The following NAALADL2 variants were observed in gnomAD, a reference collection of about 807,000 sequenced individuals.
NAALADL2 encodes the protein inactive N-acetylated-alpha-linked acidic dipeptidase-like protein 2.
In NAALADL2, 76 loss-of-function variants were observed where a neutral mutation model predicts 87.2. The observed-to-expected ratio is 0.87, with a 90% confidence interval of 0.72 to 1.05. The LOEUF is 1.05. Ranked by LOEUF, NAALADL2 falls within the 50% of genes least tolerant of loss-of-function variation. The probability of loss-of-function intolerance (pLI) is 0.00; values close to 1 mark genes in which losing one functional copy is unlikely to be tolerated. For missense variants in NAALADL2, 1,089 were observed against 945.8 expected, an observed-to-expected ratio of 1.15 and a Z score of -1.99; for synonymous variants, 354 against 331.0, an observed-to-expected ratio of 1.07 and a Z score of -0.75.
rs199632228 is a variant in NAALADL2 at position 175,786,180 on chromosome 3, T to C, written c.2190-16825T>C. Among the ~76,000 whole-genome samples the C allele has an allele frequency of 9.2e-5, 14 of 151,934 alleles. No homozygotes were observed. The East Asian group carries it at 2.7e-3, about 29-fold the overall frequency. On this transcript the variant is annotated intron_variant, in intron 13 of 13. Transcript: ENST00000454872. ...TGGTGAATCTGACAATTATGTGTCT[T>C]GGAGTTGCTCTTCTCGAGGAGTATC...
chr3:175,670,050 C>G (rs548725030), intron 11 of NAALADL2, among the ~76,000 whole-genome samples: 74 of 151,956 alleles, frequency 4.9e-4, no homozygotes, highest in Non-Finnish European at 9.6e-4. Flanking sequence ...GAACTATTCA[C>G]TTTACATCAA....
intron 1 of NAALADL2, among the ~76,000 whole-genome samples, chr3:175,018,001 A>G (rs1361000604): frequency 6.6e-6 from 1 of 152,056 alleles, no homozygotes; most frequent in Non-Finnish European, 1.5e-5. Flanking sequence ...TCACTGGCTT[A>G]GGGTCGCATA....
At chr3:175,536,649 A>AC (rs1039405586) in intron 9 of NAALADL2, among the ~76,000 whole-genome samples, 1 of 152,164 alleles carries the variant, frequency 6.6e-6, no homozygotes, top group Admixed American at 6.5e-5. Flanking sequence ...TTAAAAAAAA[A>AC]ACCTATTTTA....
At chr3:174,716,792 A>C (rs1310596641) in intron 2 of NAALADL2, among the ~76,000 whole-genome samples, 2 of 152,112 alleles carry the variant, frequency 1.3e-5, no homozygotes, top group African/African-American at 4.8e-5. Flanking sequence ...TCTAATGTAC[A>C]GTTCGGTATG....
intron 1 of NAALADL2, among the ~76,000 whole-genome samples, chr3:175,068,128 C>T (rs1714889308): frequency 6.6e-6 from 1 of 151,946 alleles, no homozygotes; most frequent in Non-Finnish European, 1.5e-5. Context: ...TGAAAAACTA[C>T]CTTTTGGGTA....
intron 2 of NAALADL2, among the ~76,000 whole-genome samples, chr3:175,144,162 T>C (rs772433363): frequency 6.6e-6 from 1 of 151,928 alleles, no homozygotes; most frequent in East Asian, 1.9e-4. Context: ...ACACTGTCCT[T>C]GAATGATGTA....
At chr3:175,197,203 A>G (rs923222249) in intron 2 of NAALADL2, among the ~76,000 whole-genome samples, 2 of 151,996 alleles carry the variant, frequency 1.3e-5, no homozygotes, top group Admixed American at 6.6e-5. Context: ...TTCTGCAGCT[A>G]TGGTTTAAGT....
At chr3:175,053,448 T>G (rs1755676817) in intron 1 of NAALADL2, among the ~76,000 whole-genome samples, 2 of 152,148 alleles carry the variant, frequency 1.3e-5, no homozygotes. Context: ...ACAGTTGGGA[T>G]CCTCCTCAGC....
At chr3:175,726,792 GT>G (rs1011120790) in intron 11 of NAALADL2, among the ~76,000 whole-genome samples, 1 of 152,144 alleles carries the variant, frequency 6.6e-6, no homozygotes, top group African/African-American at 2.4e-5. Flanking sequence ...TGTGATCAGA[GT>G]TTAGGCCGAG....
At chr3:175,052,313 A>C (rs551078947) in intron 1 of NAALADL2, among the ~76,000 whole-genome samples, 4 of 152,204 alleles carry the variant, frequency 2.6e-5, no homozygotes, top group African/African-American at 9.6e-5. Context: ...GCCATCATGA[A>C]CATGTCACAG....
chr3:174,718,875 C>A (rs1243225825), intron 2 of NAALADL2, among the ~76,000 whole-genome samples: 1 of 152,072 alleles, frequency 6.6e-6, no homozygotes, highest in Non-Finnish European at 1.5e-5. Context: ...ATACTTGGAT[C>A]CAGTGAGAGC....
intron 5 of NAALADL2, among the ~76,000 whole-genome samples, chr3:175,344,759 C>T (rs1436943747): frequency 1.3e-5 from 2 of 152,022 alleles, no homozygotes; most frequent in Non-Finnish European, 2.9e-5. Flanking sequence ...TTCAAGATTA[C>T]AACTTTCATA....
intron 2 of NAALADL2, among the ~76,000 whole-genome samples, chr3:175,144,067 A>T (rs1730410072): frequency 6.6e-6 from 1 of 151,984 alleles, no homozygotes; most frequent in Non-Finnish European, 1.5e-5. Context: ...AATTTAAAAG[A>T]ATAATAAAAA....
At chr3:174,578,820 T>G (rs928332070) in intron 2 of NAALADL2, among the ~76,000 whole-genome samples, 1 of 151,920 alleles carries the variant, frequency 6.6e-6, no homozygotes, top group Non-Finnish European at 1.5e-5. Flanking sequence ...ATTATATGAA[T>G]TAAACTTCAT....
intron 11 of NAALADL2, among the ~76,000 whole-genome samples, chr3:175,642,031 A>G (rs1194652078): frequency 6.6e-5 from 10 of 152,130 alleles, no homozygotes; most frequent in African/African-American, 2.2e-4. Flanking sequence ...TATGACCACA[A>G]TCCAGGTAAA....
At chr3:175,051,323 T>C (rs952113926) in intron 1 of NAALADL2, among the ~76,000 whole-genome samples, 12 of 152,146 alleles carry the variant, frequency 7.9e-5, no homozygotes, top group African/African-American at 2.9e-4. Context: ...TTTCCATGGG[T>C]CAGGAGTCTA....
chr3:175,216,209 A>T (rs1275057405), intron 2 of NAALADL2, among the ~76,000 whole-genome samples: 1 of 152,160 alleles, frequency 6.6e-6, no homozygotes, highest in Non-Finnish European at 1.5e-5. Flanking sequence ...TTTGAATATT[A>T]TGTACCGTGA....
intron 5 of NAALADL2, among the ~76,000 whole-genome samples, chr3:175,344,898 T>C (rs1239329223): frequency 3.3e-5 from 5 of 152,156 alleles, no homozygotes; most frequent in Non-Finnish European, 7.4e-5. Context: ...ATGATGTACA[T>C]ATTTTTATTA....
At chr3:175,380,921 T>C (rs1011720605) in intron 5 of NAALADL2, among the ~76,000 whole-genome samples, 4 of 152,050 alleles carry the variant, frequency 2.6e-5, no homozygotes, top group Non-Finnish European at 5.9e-5. Context: ...ACATCTTTTA[T>C]CTATGGAGAT....
Sources: gnomAD v4.1 joint callset for allele counts (sites outside exome capture counted in the v4.1 genomes callset) on GRCh38, gnomAD v4.1.1 for gene constraint, MANE v1.5 for transcripts, NCBI Gene and HGNC (gene_info 2026-07-23, HGNC 2026-07-21) for gene names.